The following NDST4 variants were observed in gnomAD, a reference collection of about 807,000 sequenced individuals.
NDST4 encodes N-heparan sulfate sulfotransferase 4.
Under a neutral mutation model 100.8 loss-of-function variants are expected in NDST4, and 63 were observed. The observed-to-expected ratio is 0.62, with a 90% CI of 0.51 to 0.77. The LOEUF is 0.77. Among genes scored for constraint, NDST4 ranks in the 30% least tolerant of loss-of-function variants. NDST4 has a pLI of 0.00. For synonymous variants in NDST4, 377 were observed against 361.8 expected (o/e 1.04, Z -0.48); for missense variants, 943 against 1,018.4 (o/e 0.93, Z 1.01).
intron 1 of NDST4, among the ~76,000 whole-genome samples, chr4:115,078,564 G>C (rs575602192): frequency 5.3e-5 from 8 of 152,090 alleles, no homozygotes; most frequent in Non-Finnish European, 1.2e-4. Context: ...ATGATTTAGG[G>C]TATCTGGTGG....
intron 6 of NDST4, among the ~76,000 whole-genome samples, chr4:114,899,968 T>C (rs1358298991): frequency 2.0e-5 from 3 of 152,170 alleles, no homozygotes; most frequent in Admixed American, 6.6e-5. Flanking sequence ...CTTGGCCTAG[T>C]GATCTTTGTT....
chr4:114,945,695 C>T (rs1388115878), intron 4 of NDST4, among the ~76,000 whole-genome samples: 1 of 152,184 alleles, frequency 6.6e-6, no homozygotes, highest in Non-Finnish European at 1.5e-5. Flanking sequence ...TAGGGAGTGA[C>T]ACTGGCGCTA....
intron 6 of NDST4, among the ~76,000 whole-genome samples, chr4:114,886,668 TGATA>T (rs1724485373): frequency 6.6e-6 from 1 of 152,142 alleles, no homozygotes; most frequent in African/African-American, 2.4e-5. Flanking sequence ...ATGTAGTTTT[TGATA>T]GATGGGAAAA....
At chr4:115,014,998 A>G (rs1727644253) in intron 2 of NDST4, among the ~76,000 whole-genome samples, 2 of 152,060 alleles carry the variant, frequency 1.3e-5, no homozygotes, top group Admixed American at 1.3e-4. Context: ...ATAAAAATAG[A>G]GAGTCAAGTC....
chr4:114,900,789 T>C (rs1393560848), intron 6 of NDST4, among the ~76,000 whole-genome samples: 2 of 152,138 alleles, frequency 1.3e-5, no homozygotes, highest in African/African-American at 2.4e-5. Context: ...GTGATATAGA[T>C]TTTCTTATAA....
intron 13 of NDST4, 60 bp from the exon 14 acceptor site, chr4:114,827,995 T>C (rs1254539886): frequency 6.7e-7 from 1 of 1,482,026 alleles, no homozygotes; most frequent in East Asian, 2.3e-5. Context: ...CAGGATATTG[T>C]AATCTATATT....
chr4:115,059,468 A>G (rs1205291240), intron 2 of NDST4, among the ~76,000 whole-genome samples: 2 of 152,060 alleles, frequency 1.3e-5, no homozygotes, highest in African/African-American at 2.4e-5. Context: ...ACAAAGAAAT[A>G]CATTTGGCCT....
chr4:114,906,896 A>AT (rs1205394587), intron 6 of NDST4, among the ~76,000 whole-genome samples: 1 of 151,988 alleles, frequency 6.6e-6, no homozygotes, highest in African/African-American at 2.4e-5. Context: ...TCTTTTGCAC[A>AT]TTTTTATAAC....
At chr4:115,079,442 T>C (rs927197627) in intron 1 of NDST4, among the ~76,000 whole-genome samples, 1 of 152,178 alleles carries the variant, frequency 6.6e-6, no homozygotes, top group South Asian at 2.1e-4. Context: ...TGTTTTTCTT[T>C]GTATAGATGA....
At chr4:114,919,955 G>A (rs1358577117) in intron 6 of NDST4, among the ~76,000 whole-genome samples, 1 of 152,118 alleles carries the variant, frequency 6.6e-6, no homozygotes, top group Non-Finnish European at 1.5e-5. Context: ...ACACACTGGT[G>A]AAAGGAATAT....
At chr4:114,880,053 T>C (rs1002240719) in intron 6 of NDST4, among the ~76,000 whole-genome samples, 4 of 152,122 alleles carry the variant, frequency 2.6e-5, no homozygotes, top group African/African-American at 9.7e-5. Flanking sequence ...AATAGAGAAG[T>C]TGGGCAGTGA....
At chr4:114,839,271 A>G (rs1723374373) in intron 11 of NDST4, 107 bp downstream of exon 11, 1 of 1,063,532 alleles carries the variant, frequency 9.4e-7, no homozygotes, top group Non-Finnish European at 1.3e-6. Flanking sequence ...TCAGTGCAAT[A>G]CAATCATGAT....
intron 2 of NDST4, among the ~76,000 whole-genome samples, chr4:115,056,464 G>A (rs1380348923): frequency 1.3e-5 from 2 of 152,170 alleles, no homozygotes; most frequent in Non-Finnish European, 2.9e-5. Flanking sequence ...TCAAACAACT[G>A]TTGATTGTAG....
intron 4 of NDST4, among the ~76,000 whole-genome samples, chr4:114,958,473 G>A (rs909820982): frequency 6.6e-6 from 1 of 152,066 alleles, no homozygotes; most frequent in Non-Finnish European, 1.5e-5. Context: ...CTCCATCTGA[G>A]ACCAATCATC....
intron 2 of NDST4, among the ~76,000 whole-genome samples, chr4:115,074,218 A>C (rs1729134653): frequency 6.6e-6 from 1 of 152,018 alleles, no homozygotes; most frequent in Admixed American, 6.6e-5. Flanking sequence ...GATAGCCATC[A>C]GTGACTTTTG....
intron 3 of NDST4, among the ~76,000 whole-genome samples, chr4:114,974,988 T>G (rs958334071): frequency 3.9e-5 from 6 of 152,100 alleles, no homozygotes; most frequent in Non-Finnish European, 8.8e-5. Flanking sequence ...CAAGGCCATC[T>G]CCTCATGGTT....
chr4:115,023,856 G>A (rs976029687), intron 2 of NDST4, among the ~76,000 whole-genome samples: 4 of 152,092 alleles, frequency 2.6e-5, no homozygotes, highest in African/African-American at 9.7e-5. Flanking sequence ...AGGGCAGAAT[G>A]GTTTTGGAGA....
chr4:114,913,254 C>G (rs958252175), intron 6 of NDST4, among the ~76,000 whole-genome samples: 4 of 151,706 alleles, frequency 2.6e-5, no homozygotes, highest in Admixed American at 1.3e-4. Context: ...GATTAAAGGG[C>G]TAATTTAGAG....
intron 4 of NDST4, among the ~76,000 whole-genome samples, chr4:114,941,582 C>T (rs1725751756): frequency 6.6e-6 from 1 of 152,184 alleles, no homozygotes; most frequent in Non-Finnish European, 1.5e-5. Flanking sequence ...TAAATTTTGG[C>T]AGCTCCTGGC....
Sources: gnomAD v4.1 joint callset for allele counts (sites outside exome capture counted in the v4.1 genomes callset) on GRCh38, gnomAD v4.1.1 for gene constraint, MANE v1.5 for transcripts, NCBI Gene and HGNC (gene_info 2026-07-23, HGNC 2026-07-21) for gene names.